Variants in GYPE observed in about 807,000 individuals in gnomAD.
GYPE encodes the protein glycophorin E (MNS blood group).
In GYPE, 8 loss-of-function variants were observed where a neutral mutation model predicts 11.6. That is an observed-to-expected ratio of 0.69 (90% CI 0.41 to 1.25). The LOEUF (loss-of-function observed/expected upper bound fraction) is 1.25. GYPE is among the 50% of genes most tolerant of loss of function. GYPE has a pLI of 0.01. For synonymous variants in GYPE, 28 were observed against 29.6 expected (o/e 0.94, Z 0.18); for missense variants, 90 against 92.8 (o/e 0.97, Z 0.12).
chr4:143,879,544 G>T (rs1228817763), intron 2 of GYPE, among the ~76,000 whole-genome samples: 1 of 152,096 alleles, frequency 6.6e-6, no homozygotes, highest in Non-Finnish European at 1.5e-5. Flanking sequence ...ATGAGTTACA[G>T]CTCGTGTAAA....
chr4:143,892,112 T>C (rs1744431041), intron 1 of GYPE, among the ~76,000 whole-genome samples: 2 of 152,206 alleles, frequency 1.3e-5, no homozygotes, highest in African/African-American at 4.8e-5. Context: ...GTGTTTGTAG[T>C]ATTGTCTGAT....
intron 1 of GYPE, among the ~76,000 whole-genome samples, chr4:143,902,296 G>A (rs376066880): frequency 3.4e-5 from 5 of 149,086 alleles, no homozygotes; most frequent in South Asian, 4.3e-4. Flanking sequence ...TCTTTCCTGT[G>A]CCAATTAAAT....
chr4:143,894,680 AG>A (rs767644631), intron 1 of GYPE, among the ~76,000 whole-genome samples: 22 of 152,170 alleles, frequency 1.4e-4, no homozygotes, highest in Admixed American at 1.2e-3. Context: ...CTGGTACCAG[AG>A]CCGGGCAGAG....
chr4:143,878,648 G>A (rs1324060927), intron 2 of GYPE: 2 of 485,952 alleles, frequency 4.1e-6, no homozygotes, highest in African/African-American at 2.0e-5. Context: ...TCTGCTTCAG[G>A]GAAACGATGG....
At chr4:143,874,595 T>C (rs1407566513) in intron 3 of GYPE, among the ~76,000 whole-genome samples, 1 of 152,208 alleles carries the variant, frequency 6.6e-6, no homozygotes, top group African/African-American at 2.4e-5. Flanking sequence ...GTCCTGTTTT[T>C]AGGATGGGAG....
At chr4:143,900,781 G>A (rs1480964812) in intron 1 of GYPE, among the ~76,000 whole-genome samples, 3 of 152,082 alleles carry the variant, frequency 2.0e-5, no homozygotes, top group Non-Finnish European at 4.4e-5. Flanking sequence ...TCTAAAATGG[G>A]TAAATCTGTA....
At chr4:143,880,620 C>T (rs367965948) in intron 1 of GYPE, 111 bp from the exon 2 acceptor site, 70 of 1,493,528 alleles carry the variant, frequency 4.7e-5, no homozygotes, top group East Asian at 4.2e-4. Flanking sequence ...CTGAGCTAAG[C>T]GCTTTGGTAT....
chr4:143,891,028 A>C (rs1227904388), intron 1 of GYPE, among the ~76,000 whole-genome samples: 1 of 152,094 alleles, frequency 6.6e-6, no homozygotes, highest in Non-Finnish European at 1.5e-5. Context: ...CTTTAGTCTA[A>C]AACTTAAGTT....
intron 3 of GYPE, among the ~76,000 whole-genome samples, chr4:143,874,386 C>A (rs1378416352): frequency 3.9e-5 from 6 of 152,118 alleles, no homozygotes; most frequent in Non-Finnish European, 7.3e-5. Context: ...TGTCATCAGA[C>A]CTACCAGATT....
chr4:143,879,737 A>G (rs1181558437), intron 2 of GYPE, among the ~76,000 whole-genome samples: 1 of 152,196 alleles, frequency 6.6e-6, no homozygotes, highest in Non-Finnish European at 1.5e-5. Context: ...GGGAACAAGA[A>G]TGAGGTGACT....
At chr4:143,872,545 T>C (rs1252628520) in intron 3 of GYPE, among the ~76,000 whole-genome samples, 1 of 151,808 alleles carries the variant, frequency 6.6e-6, no homozygotes, top group African/African-American at 2.4e-5. Flanking sequence ...GAGAAATTAA[T>C]GGGAAGGAGG....
intron 1 of GYPE, among the ~76,000 whole-genome samples, chr4:143,890,209 C>A (rs1256628630): frequency 1.3e-5 from 2 of 152,166 alleles, no homozygotes; most frequent in Admixed American, 6.5e-5. Context: ...TACGGAAGAA[C>A]AGATGGTTCT....
intron 1 of GYPE, among the ~76,000 whole-genome samples, chr4:143,904,597 T>C (rs527281691): frequency 2.4e-4 from 37 of 152,208 alleles, no homozygotes; most frequent in Non-Finnish European, 5.0e-4. Context: ...GTATGCTCAG[T>C]AGATCCTCTC....
At chr4:143,881,333 TAA>T (rs1234388290) in intron 1 of GYPE, among the ~76,000 whole-genome samples, 2 of 152,204 alleles carry the variant, frequency 1.3e-5, no homozygotes, top group Non-Finnish European at 2.9e-5. Context: ...TTCAAATTTA[TAA>T]GTTATTTTAT....
At chr4:143,901,300 G>T (rs542890063) in intron 1 of GYPE, among the ~76,000 whole-genome samples, 14 of 152,108 alleles carry the variant, frequency 9.2e-5, no homozygotes, top group East Asian at 3.8e-4. Flanking sequence ...GTACAAAAAT[G>T]AAAGACTTCT....
chr4:143,901,765 T>C (rs907132116), intron 1 of GYPE, among the ~76,000 whole-genome samples: 2 of 152,016 alleles, frequency 1.3e-5, no homozygotes, highest in African/African-American at 4.8e-5. Context: ...TTTTGAATAA[T>C]CTTCTAGAAA....
chr4:143,891,059 G>C (rs111772417), intron 1 of GYPE, among the ~76,000 whole-genome samples: 1 of 152,102 alleles, frequency 6.6e-6, no homozygotes, highest in Non-Finnish European at 1.5e-5. Context: ...TCTGTTGAGA[G>C]CCCTTAGTAC....
chr4:143,889,481 C>T (rs13105448), intron 1 of GYPE, among the ~76,000 whole-genome samples: 1 of 151,842 alleles, frequency 6.6e-6, no homozygotes, highest in Non-Finnish European at 1.5e-5. Context: ...AGTTTTCTGG[C>T]CTCTAAGATG....
chr4:143,882,258 C>T (rs1284217664), intron 1 of GYPE, among the ~76,000 whole-genome samples: 2 of 150,968 alleles, frequency 1.3e-5, no homozygotes, highest in African/African-American at 4.9e-5. Flanking sequence ...AATATAAAAA[C>T]CAATGCTTTT....
Sources: gnomAD v4.1 joint callset for allele counts (sites outside exome capture counted in the v4.1 genomes callset) on GRCh38, gnomAD v4.1.1 for gene constraint, MANE v1.5 for transcripts, NCBI Gene and HGNC (gene_info 2026-07-23, HGNC 2026-07-21) for gene names.